OSMR: variants seen among roughly 807,000 people sequenced by gnomAD.
The protein encoded by OSMR is oncostatin M receptor.
In OSMR, 81 loss-of-function variants were observed where a neutral mutation model predicts 99.9. That is an observed-to-expected ratio of 0.81 (90% CI 0.68 to 0.97). The LOEUF (loss-of-function observed/expected upper bound fraction) is 0.97. Among genes scored for constraint, OSMR ranks in the 50% least tolerant of loss-of-function variants. The pLI is 0.00. For missense variants in OSMR, 1,099 were observed against 1,153.4 expected (o/e 0.95, Z 0.68); for synonymous variants, 406 against 410.4 (o/e 0.99, Z 0.13).
chr5:38,852,479 C>T (rs994696989), intron 1 of OSMR, among the ~76,000 whole-genome samples: 13 of 152,038 alleles, frequency 8.6e-5, no homozygotes, highest in Non-Finnish European at 1.2e-4. Flanking sequence ...CCTTTTTAAA[C>T]GTTACCAATT....
At chr5:38,863,036 C>T (rs942110056) in intron 1 of OSMR, among the ~76,000 whole-genome samples, 11 of 151,868 alleles carry the variant, frequency 7.2e-5, no homozygotes, top group African/African-American at 1.5e-4. Context: ...TGGCGGCGTG[C>T]GCCTGCAATC....
downstream of OSMR, among the ~76,000 whole-genome samples, chr5:38,936,558 C>T (rs1747053966): frequency 6.6e-6 from 1 of 152,116 alleles, no homozygotes; most frequent in Non-Finnish European, 1.5e-5. Flanking sequence ...AACACCTAAC[C>T]CATACTAATT....
chr5:38,846,347 G>A lies in OSMR; in HGVS notation c.-54G>A, dbSNP rs1353800553. On this transcript the variant is annotated 5_prime_UTR_variant, in exon 1 of 18. Coordinates refer to ENST00000274276, the MANE Select transcript of OSMR (RefSeq NM_003999.3). Reference sequence around the variant, plus strand: ...TTGGCTGGGCTACCACCTGCGCTCGGACGGCGCTCGGAGGGTCCTCGCCCC... The same window carrying A: ...TTGGCTGGGCTACCACCTGCGCTCGAACGGCGCTCGGAGGGTCCTCGCCCC... The A allele has an allele frequency of 4.6e-5, 7 of 152,312 alleles. No homozygotes were observed. Among genetic ancestry groups the A allele is most frequent in the African/African-American group, 1.7e-4 (7 of 41,476 alleles). 9.4% of individuals were successfully genotyped at this position (152,312 alleles called of 1,614,324 possible).
chr5:38,898,950 C>CT (rs58159819), intron 7 of OSMR, among the ~76,000 whole-genome samples: 2,214 of 78,212 alleles, frequency 0.028, 146 homozygotes, highest in Admixed American at 0.053. Flanking sequence ...TACATAATAT[C>CT]TTTTTTTTTT....
chr5:38,848,916 G>GACACACATGACACCACATGGT (rs1740120968), intron 1 of OSMR, among the ~76,000 whole-genome samples: 1 of 151,600 alleles, frequency 6.6e-6, no homozygotes, highest in African/African-American at 2.4e-5. Flanking sequence ...TGGAACTACA[G>GACACACATGACACCACATGGT]GCACATGACA....
intron 2 of OSMR, among the ~76,000 whole-genome samples, chr5:38,871,877 GAAT>G (rs1742413250): frequency 6.6e-6 from 1 of 152,136 alleles, no homozygotes; most frequent in Non-Finnish European, 1.5e-5. Flanking sequence ...CCCTTCTTAT[GAAT>G]GGACAATGGT....
chr5:38,868,915 C>G, intron 1 of OSMR, 117 bp from the exon 2 acceptor site: 1 of 1,192,910 alleles, frequency 8.4e-7, no homozygotes, highest in Non-Finnish European at 1.2e-6. Context: ...GGCATGGATA[C>G]AGGGAAGGGA....
chr5:38,925,254 T>C lies in OSMR; in HGVS notation c.2095T>C (p.Leu699=), dbSNP rs1746422102. Residue 699 remains leucine, a synonymous_variant, in exon 15 of 18, where the codon TTG becomes CTG. Coordinates refer to ENST00000274276, the MANE Select transcript of OSMR (RefSeq NM_003999.3). ...YKIDNPEEKA[L]IVDNLKPESF... is the part of the protein sequence containing the mutation. ...AATTGACAACCCGGAAGAAAAGGCATTGATTGTGGACAACCTAAAGCCAGA... is the reference window on the plus strand; with the variant it reads ...AATTGACAACCCGGAAGAAAAGGCACTGATTGTGGACAACCTAAAGCCAGA... The C allele has an allele frequency of 9.9e-6, 16 of 1,613,954 alleles. No individual in the cohort carries two copies. Among genetic ancestry groups the C allele is most frequent in the African/African-American group, 1.3e-5 (1 of 74,906 alleles).
intron 11 of OSMR, 61 bp from the exon 12 acceptor site, chr5:38,921,554 A>C: frequency 1.2e-6 from 2 of 1,611,806 alleles, no homozygotes; most frequent in East Asian, 4.5e-5. Context: ...TCTACCTTAC[A>C]CACTTAAAAC....
In OSMR at chr5:38,919,054, C is replaced by G. The variant is rs1442999455; in HGVS notation, c.1577C>G (p.Pro526Arg). 6.2e-7 allele frequency: 1 copy of G among 1,613,890 alleles called. No homozygotes were observed. The highest frequency in any genetic ancestry group is 8.5e-7 in the Non-Finnish European group (1 of 1,179,848). The part of the protein sequence containing the change: ...PASVIVISAD[P>R]ENKEVEEERI... The stretch of plus-strand genomic sequence containing the variant: ...TCTGTAATAGTCATCTCTGCAGACC[C>G]CGAAAACAGTGAGTTTGTTTTCATT... Residue 526 changes from proline (P) to arginine (R), a missense_variant, in exon 11 of 18, where the codon CCC (proline) becomes CGC (arginine). Pro to Arg is a moderately radical substitution (Grantham distance 103). Transcript: ENST00000274276.
intron 1 of OSMR, among the ~76,000 whole-genome samples, chr5:38,861,073 T>A (rs1427587912): frequency 6.6e-6 from 1 of 152,248 alleles, no homozygotes; most frequent in Non-Finnish European, 1.5e-5. Context: ...TTTATTCTGT[T>A]GTGGTTTGAG....
chr5:38,876,044 A>G (rs1742801121), intron 2 of OSMR, 157 bp from the exon 3 acceptor site: 1 of 581,822 alleles, frequency 1.7e-6, no homozygotes, highest in South Asian at 7.6e-5. Context: ...TGATTTCTAA[A>G]TTCTCTTCCA....
At chr5:38,944,088 A>G (rs1188386945) in intron 1 of OSMR, 1 of 373,548 alleles carries the variant, frequency 2.7e-6, no homozygotes, top group Non-Finnish European at 5.2e-6. Flanking sequence ...AACATGCATT[A>G]ATTTATTTTA....
chr5:38,878,008 A>T (rs1742976549), intron 3 of OSMR, among the ~76,000 whole-genome samples: 1 of 152,120 alleles, frequency 6.6e-6, no homozygotes, highest in East Asian at 1.9e-4. Flanking sequence ...TTGTCCTCAC[A>T]ACACCCAACC....
In OSMR at chr5:38,934,344, A is replaced by G. The variant is rs1746918591; in HGVS notation, c.*900A>G. ...TGCAGTAGGTTGTCTGGGTCAAGAT[A>G]ACTCTCAGTCACATTTATATTCATA... On this transcript the variant is annotated 3_prime_UTR_variant, in exon 18 of 18. Transcript: ENST00000274276. 1 of 152,492 alleles carries G rather than the reference A, an allele frequency of 6.6e-6. No homozygotes were observed. The allele number at this position is 152,492 out of a possible 1,614,324, so 9.4% of individuals were successfully genotyped here. A position where few individuals can be genotyped will look rare whatever the true frequency, so the allele number is the denominator to read the frequency against.
intron 1 of OSMR, chr5:38,941,022 A>G: frequency 4.3e-6 from 1 of 232,864 alleles, no homozygotes; most frequent in East Asian, 6.1e-5. Flanking sequence ...TAATCCTTTC[A>G]TTTACAAGCA....
chr5:38,900,870 G>A (rs1218572425), intron 7 of OSMR, among the ~76,000 whole-genome samples: 7 of 152,078 alleles, frequency 4.6e-5, no homozygotes, highest in Admixed American at 1.3e-4. Context: ...CCCTTCCTGC[G>A]TGACCTTACC....
Position 38,902,918 on chromosome 5 carries a change from A to G in OSMR, c.992-964A>G, listed in dbSNP as rs35866008. On this transcript the variant is annotated intron_variant, in intron 7 of 17. Transcript: ENST00000274276. Reference sequence around the variant, plus strand: ...TGTTTCCACGCTTCTTTCCTCCGCCACAATCCATGCAGCCACCTCACCCAC... The same window carrying G: ...TGTTTCCACGCTTCTTTCCTCCGCCGCAATCCATGCAGCCACCTCACCCAC... Among the ~76,000 whole-genome samples the G allele has an allele frequency of 1.3e-3, 196 of 152,172 alleles. 1 individual carries two copies. Among genetic ancestry groups the G allele is most frequent in the Non-Finnish European group, 2.4e-3 (165 of 67,990 alleles).
intron 1 of OSMR, among the ~76,000 whole-genome samples, chr5:38,866,698 T>G (rs1741977250): frequency 6.6e-6 from 1 of 151,584 alleles, no homozygotes; most frequent in Non-Finnish European, 1.5e-5. Context: ...GGGCTCTCAA[T>G]ATGGTCCTGT....
Sources: allele counts gnomAD v4.1 joint callset (sites outside exome capture counted in the v4.1 genomes callset), GRCh38; gene constraint gnomAD v4.1.1; transcripts MANE v1.5; gene names NCBI Gene and HGNC (gene_info 2026-07-23, HGNC 2026-07-21).